Variants in GRIK2 observed in about 807,000 individuals in gnomAD.
The protein encoded by GRIK2 is glutamate receptor ionotropic, kainate 2.
In GRIK2, 32 loss-of-function variants were observed where a neutral mutation model predicts 100.3. The ratio of observed to expected loss-of-function variants is 0.32; its 90% confidence interval spans 0.24 to 0.43. The LOEUF is 0.43. Ranked by LOEUF, GRIK2 falls within the 20% of genes least tolerant of loss-of-function variation. The probability of loss-of-function intolerance (pLI) is 1.00; values close to 1 mark genes in which losing one functional copy is unlikely to be tolerated. For synonymous variants in GRIK2, 417 were observed against 389.4 expected (o/e 1.07, Z -0.83); for missense variants, 843 against 1,114.9 (o/e 0.76, Z 3.47).
rs191674169 is a variant in GRIK2, at chr6:101,761,613, A to G, written c.952-38035A>G. ...CACTGAAGCAACAAATCACTATCTT[A>G]CACAATAATTCACTAAAATAGGACC... On this transcript the variant is annotated intron_variant, in intron 7 of 16. Transcript: ENST00000369134. Among the ~76,000 whole-genome samples, 368 of 152,278 alleles carry G rather than the reference A, an allele frequency of 2.4e-3. 2 individuals are homozygous for G. The highest frequency in any genetic ancestry group is 8.5e-3 in the African/African-American group (352 of 41,556).
intron 13 of GRIK2, among the ~76,000 whole-genome samples, chr6:101,924,943 AT>A (rs1235333340): frequency 1.3e-5 from 2 of 152,092 alleles, no homozygotes; most frequent in African/African-American, 4.8e-5. Flanking sequence ...ATACTCATCT[AT>A]TTTTTTCCTT....
rs1311147518 is a variant in GRIK2 at position 101,823,672 on chromosome 6, A to T, written c.1317+5189A>T. ...TGTCAAAAATAATAACAAAAATACA[A>T]TTTTTGAGCAAGTAGTAGAGAGATT... On this transcript the variant is annotated intron_variant, in intron 10 of 16. Coordinates refer to ENST00000369134, the MANE Select transcript of GRIK2 (RefSeq NM_021956.5). 2.0e-5 allele frequency among the ~76,000 whole-genome samples: 3 copies of T among 152,130 alleles called. No individual in the cohort carries two copies. The East Asian group carries it at 5.8e-4, about 29-fold the overall frequency.
At chr6:101,853,617 C>T (rs1335845249) in intron 10 of GRIK2, among the ~76,000 whole-genome samples, 1 of 152,152 alleles carries the variant, frequency 6.6e-6, no homozygotes, top group Non-Finnish European at 1.5e-5. Flanking sequence ...AAACTTATGT[C>T]CACACAAAAA....
In GRIK2 at chr6:101,505,279, G is replaced by A. The variant is rs9390749; in HGVS notation, c.115+105887G>A. Among the ~76,000 whole-genome samples the A allele has an allele frequency of 3.9e-5, 6 of 152,100 alleles. No homozygotes were observed. In the South Asian group the frequency reaches 8.3e-4, roughly 21 times the overall value. On this transcript the variant is annotated intron_variant, in intron 2 of 16. Transcript: ENST00000369134. ...GCACGTTTTGTGCCAAGAGAAATTC[G>A]TTTGTTGCTGCCTTTGAAAATGTTG...
intron 2 of GRIK2, among the ~76,000 whole-genome samples, chr6:101,610,189 A>G (rs1779609838): frequency 6.6e-6 from 1 of 151,606 alleles, no homozygotes; most frequent in Non-Finnish European, 1.5e-5. Flanking sequence ...AGAAACTGCA[A>G]AGTAAATAGG....
At chr6:101,576,058 AATTAT>A (rs1207299590) in intron 2 of GRIK2, among the ~76,000 whole-genome samples, 3 of 152,044 alleles carry the variant, frequency 2.0e-5, no homozygotes, top group Admixed American at 6.6e-5. Flanking sequence ...ACATGTTTGA[AATTAT>A]ATTATCATAT....
chr6:101,426,951 G>C (rs1386615426), intron 2 of GRIK2, among the ~76,000 whole-genome samples: 2 of 152,110 alleles, frequency 1.3e-5, no homozygotes, highest in Admixed American at 6.6e-5. Flanking sequence ...CCTAGTTTAA[G>C]GGTGATATAT....
intron 14 of GRIK2, among the ~76,000 whole-genome samples, chr6:101,981,217 G>A (rs528132171): frequency 2.6e-4 from 39 of 151,584 alleles, no homozygotes; most frequent in African/African-American, 8.7e-4. Context: ...TATCTTTTTT[G>A]GGCATGAAGG....
intron 2 of GRIK2, among the ~76,000 whole-genome samples, chr6:101,484,870 G>A (rs1327594203): frequency 1.3e-5 from 2 of 152,046 alleles, no homozygotes; most frequent in African/African-American, 4.8e-5. Flanking sequence ...AGTTCAAAAT[G>A]CTTCTATTAT....
chr6:102,051,308 CCT>C (rs1562140406), intron 15 of GRIK2, among the ~76,000 whole-genome samples: 2 of 137,778 alleles, frequency 1.5e-5, no homozygotes, highest in Non-Finnish European at 3.1e-5. Context: ...TTCCTTCCTT[CCT>C]TCCACTCTCT....
chr6:101,425,925 C>T (rs1776676921), intron 2 of GRIK2, among the ~76,000 whole-genome samples: 1 of 152,156 alleles, frequency 6.6e-6, no homozygotes, highest in South Asian at 2.1e-4. Context: ...CTGAGGCCAT[C>T]TATTATTCAC....
At chr6:101,466,639 C>T (rs976220283) in intron 2 of GRIK2, among the ~76,000 whole-genome samples, 23 of 151,178 alleles carry the variant, frequency 1.5e-4, no homozygotes, top group Non-Finnish European at 2.9e-4. Flanking sequence ...TGTCATGTAG[C>T]ATATATCGTC....
chr6:101,450,771 GAAGTA>G (rs1001706110), intron 2 of GRIK2, among the ~76,000 whole-genome samples: 9 of 151,822 alleles, frequency 5.9e-5, no homozygotes, highest in African/African-American at 2.2e-4. Context: ...ATAAAATAGA[GAAGTA>G]AAGAAAAGAA....
chr6:101,546,415 C>A (rs1219477503), intron 2 of GRIK2, among the ~76,000 whole-genome samples: 2 of 152,086 alleles, frequency 1.3e-5, no homozygotes, highest in Admixed American at 6.6e-5. Flanking sequence ...TTTGTCTGAA[C>A]TTTTAAGTGT....
intron 14 of GRIK2, among the ~76,000 whole-genome samples, chr6:102,023,359 T>G (rs1262721545): frequency 6.6e-6 from 1 of 151,158 alleles, no homozygotes; most frequent in Non-Finnish European, 1.5e-5. Flanking sequence ...AAGAAAGAAA[T>G]AATTATATAA....
At chr6:101,602,859 T>A (rs753871528) in intron 2 of GRIK2, among the ~76,000 whole-genome samples, 1 of 151,724 alleles carries the variant, frequency 6.6e-6, no homozygotes, top group Non-Finnish European at 1.5e-5. Flanking sequence ...TGGAGTCAAC[T>A]TTTATTTGAA....
intron 11 of GRIK2, among the ~76,000 whole-genome samples, chr6:101,876,866 G>A (rs1785886467): frequency 6.6e-6 from 1 of 151,858 alleles, no homozygotes; most frequent in South Asian, 2.1e-4. Flanking sequence ...ACTACACTAA[G>A]TCAACAGTAT....
intron 10 of GRIK2, among the ~76,000 whole-genome samples, chr6:101,840,906 G>C (rs569040041): frequency 2.0e-5 from 3 of 152,084 alleles, no homozygotes; most frequent in Admixed American, 6.5e-5. Context: ...AAATGCTTTC[G>C]CCATATAGTT....
At chr6:101,561,893 A>G (rs1045399007) in intron 2 of GRIK2, among the ~76,000 whole-genome samples, 1 of 152,204 alleles carries the variant, frequency 6.6e-6, no homozygotes, top group African/African-American at 2.4e-5. Flanking sequence ...TCCAGTGGGT[A>G]GATAGATATT....
Sources: gnomAD v4.1 joint callset for allele counts (sites outside exome capture counted in the v4.1 genomes callset) on GRCh38, gnomAD v4.1.1 for gene constraint, MANE v1.5 for transcripts, NCBI Gene and HGNC (gene_info 2026-07-23, HGNC 2026-07-21) for gene names.